APPL1: variants seen among roughly 807,000 people sequenced by gnomAD.
APPL1 encodes DCC-interacting protein 13-alpha.
APPL1 carries 42 observed loss-of-function variants against 106.8 expected under a neutral mutation model. The observed-to-expected ratio is 0.39, with a 90% CI of 0.31 to 0.51. The LOEUF is 0.51. APPL1 is among the 20% of genes least tolerant of loss of function. The pLI is 0.75. For synonymous variants in APPL1, 263 were observed against 281.8 expected, an observed-to-expected ratio of 0.93 and a Z score of 0.67; for missense variants, 769 against 858.2, an observed-to-expected ratio of 0.90 and a Z score of 1.30.
intron 11 of APPL1, among the ~76,000 whole-genome samples, chr3:57,251,347 A>T (rs1044086974): frequency 1.3e-5 from 2 of 151,334 alleles, no homozygotes; most frequent in African/African-American, 4.8e-5. Flanking sequence ...AATGTGGTGA[A>T]ATCCAGTCTC....
intron 15 of APPL1, among the ~76,000 whole-genome samples, chr3:57,257,686 T>C (rs1260577412): frequency 6.6e-6 from 1 of 152,222 alleles, no homozygotes; most frequent in African/African-American, 2.4e-5. Flanking sequence ...TCTTGGATAC[T>C]TGCTCTTAAA....
intron 2 of APPL1, 117 bp downstream of exon 2, chr3:57,235,781 T>G: frequency 1.6e-6 from 1 of 619,838 alleles, no homozygotes; most frequent in Admixed American, 2.9e-5. Context: ...CTCATAGTAA[T>G]AAATATTTGT....
At chr3:57,254,917 G>A (rs2060827068) in intron 13 of APPL1, among the ~76,000 whole-genome samples, 1 of 152,204 alleles carries the variant, frequency 6.6e-6, no homozygotes, top group Non-Finnish European at 1.5e-5. Context: ...GAGCCACCAC[G>A]CCCAGCCAAG....
At chr3:57,249,658 A>C in intron 11 of APPL1, 110 bp downstream of exon 11, 2 of 925,158 alleles carry the variant, frequency 2.2e-6, no homozygotes, top group Non-Finnish European at 3.0e-6. Context: ...TTCATTATGT[A>C]TTAAGATAAA....
chr3:57,258,778 A>AT (rs1457499200), intron 15 of APPL1: 8 of 344,584 alleles, frequency 2.3e-5, no homozygotes, highest in Admixed American at 1.9e-4. Context: ...TATTATGTTG[A>AT]TTTTTTGTTG....
In APPL1 at chr3:57,256,951, A is replaced by T; in HGVS notation, c.1153-6A>T. 1.2e-6 allele frequency: 2 copies of T among 1,613,252 alleles called. No individual in the cohort carries two copies. Among genetic ancestry groups the T allele is most frequent in the Non-Finnish European group, 1.7e-6 (2 of 1,179,590 alleles). On this transcript the variant is annotated splice_region_variant and splice_polypyrimidine_tract_variant and intron_variant, in intron 13 of 21. Transcript: ENST00000288266. ...TATTAGTCCTTTTTTAAAAAAATTG[A>T]AATAGGAAACTGCTGCACGAGTAAA...
At chr3:57,242,341 C>T (rs1477000862) in intron 6 of APPL1, among the ~76,000 whole-genome samples, 199 bp downstream of exon 6, 1 of 152,082 alleles carries the variant, frequency 6.6e-6, no homozygotes, top group Non-Finnish European at 1.5e-5. Context: ...TTAAGTCTTA[C>T]AGGTTACTAT....
In APPL1 at chr3:57,227,766, G is replaced by C. The variant is rs957263732; in HGVS notation, c.-118G>C. 2 of 839,026 alleles carry C rather than the reference G, an allele frequency of 2.4e-6. No individual in the cohort carries two copies. The highest frequency in any genetic ancestry group is 3.2e-6 in the Non-Finnish European group (2 of 616,684). 52.0% of individuals were successfully genotyped at this position (839,026 alleles called of 1,614,324 possible). On this transcript the variant is annotated 5_prime_UTR_variant, in exon 1 of 22. Coordinates refer to ENST00000288266, the MANE Select transcript of APPL1 (RefSeq NM_012096.3). ...GGCGCCTGGAGAAGGCTGTGCGGGC[G>C]GGGACGGCTGCAGCCCTTGCCGGAG... is the stretch of plus-strand genomic sequence containing the variant.
intron 16 of APPL1, 128 bp from the exon 17 acceptor site, chr3:57,259,717 T>G (rs753498975): frequency 2.6e-6 from 2 of 783,254 alleles, no homozygotes; most frequent in Non-Finnish European, 1.9e-6. Flanking sequence ...GGCTGTTGAA[T>G]TTTTCACTAG....
At chr3:57,259,365 G>A (rs1335716665) in intron 16 of APPL1, among the ~76,000 whole-genome samples, 3 of 152,094 alleles carry the variant, frequency 2.0e-5, no homozygotes, top group Admixed American at 2.0e-4. Context: ...TTTCTCTTCT[G>A]GTACTGGAGC....
chr3:57,266,706 A>G (rs759693469), intron 19 of APPL1, among the ~76,000 whole-genome samples: 3 of 151,960 alleles, frequency 2.0e-5, no homozygotes, highest in Admixed American at 1.3e-4. Context: ...AATTTCTTGT[A>G]GTATTTTTAT....
At chr3:57,252,810 T>C (rs79320906) in intron 12 of APPL1, among the ~76,000 whole-genome samples, 3,616 of 152,328 alleles carry the variant, frequency 0.024, 67 homozygotes, top group South Asian at 0.035. Context: ...ACTCCTAGTA[T>C]ATCAGATATG....
chr3:57,230,836 C>T (rs144428907), intron 1 of APPL1: 166 of 428,530 alleles, frequency 3.9e-4, no homozygotes, highest in African/African-American at 3.1e-3. Flanking sequence ...GTGGCACAGC[C>T]ATAGCTCTGA....
At chr3:57,236,129 C>G (rs2060715206) in intron 2 of APPL1, among the ~76,000 whole-genome samples, 1 of 151,294 alleles carries the variant, frequency 6.6e-6, no homozygotes, top group Admixed American at 6.6e-5. Flanking sequence ...ACCACAACCT[C>G]CACACCCCAG....
At position 57,239,783 on chromosome 3, in the gene APPL1, C is replaced by T. The variant is rs150809769; in HGVS notation, c.286-682C>T. On this transcript the variant is annotated intron_variant, in intron 4 of 21. Transcript: ENST00000288266. ...CAAACTGTTTTCTACAGTGCCTGCA[C>T]CATTTTACATTCCTACCAGCAATGT... 6.1e-3 allele frequency among the ~76,000 whole-genome samples: 925 copies of T among 152,260 alleles called. 9 individuals are homozygous for T. The highest frequency in any genetic ancestry group is 0.022 in the African/African-American group (898 of 41,544).
rs919132637 is a variant in APPL1 at position 57,245,816 on chromosome 3, A to T, written c.475-260A>T. Among the ~76,000 whole-genome samples, 82 of 152,242 alleles carry T rather than the reference A, an allele frequency of 5.4e-4. 1 individual carries two copies. Among genetic ancestry groups the T allele is most frequent in the African/African-American group, 2.0e-3 (82 of 41,556 alleles). ...CGCCTCGGCCTCCCAAAGTGCTGGG[A>T]TTACAGGCATGAGCCACCACGCCTG... On this transcript the variant is annotated intron_variant, in intron 7 of 21. Transcript: ENST00000288266.
At chr3:57,269,372 A>G in intron 21 of APPL1, 169 bp from the exon 22 acceptor site, 1 of 559,622 alleles carries the variant, frequency 1.8e-6, no homozygotes, top group Non-Finnish European at 2.9e-6. Context: ...GCCAAAATTC[A>G]TTTTGGTGTT....
In APPL1 at chr3:57,269,708, T is replaced by G; in HGVS notation, c.*21T>G. 6.2e-7 allele frequency: 1 copy of G among 1,612,022 alleles called. No individual in the cohort carries two copies. On this transcript the variant is annotated 3_prime_UTR_variant, in exon 22 of 22. Transcript: ENST00000288266. Reference sequence around the variant, plus strand: ...CATAAGCTTATACTTTTGGTAGATATTCCCCCTTGGAATTTGACAGTTTCT... The same window carrying G: ...CATAAGCTTATACTTTTGGTAGATAGTCCCCCTTGGAATTTGACAGTTTCT...
At chr3:57,249,641 T>C (rs1294051561) in intron 11 of APPL1, 93 bp downstream of exon 11, 1 of 1,164,098 alleles carries the variant, frequency 8.6e-7, no homozygotes, top group African/African-American at 1.6e-5. Flanking sequence ...TTTATGGACA[T>C]TTTAGGTTCA....
Sources: allele counts gnomAD v4.1 joint callset (sites outside exome capture counted in the v4.1 genomes callset), GRCh38; gene constraint gnomAD v4.1.1; transcripts MANE v1.5; gene names NCBI Gene and HGNC (gene_info 2026-07-23, HGNC 2026-07-21).